ADAMTS12: variants seen among roughly 807,000 people sequenced by gnomAD.
The protein encoded by ADAMTS12 is ADAM metallopeptidase with thrombospondin type 1 motif 12.
Under a neutral mutation model 167.8 loss-of-function variants are expected in ADAMTS12, and 118 were observed. The ratio of observed to expected loss-of-function variants is 0.70; its 90% CI spans 0.61 to 0.82. The LOEUF is 0.82. ADAMTS12 is among the 40% of genes least tolerant of loss of function. The pLI is 0.00. For synonymous variants in ADAMTS12, 704 were observed against 716.9 expected (o/e 0.98, Z 0.29); for missense variants, 1,916 against 1,998.8 (o/e 0.96, Z 0.79).
intron 2 of ADAMTS12, among the ~76,000 whole-genome samples, chr5:33,836,680 A>C (rs1411625184): frequency 6.6e-6 from 1 of 152,118 alleles, no homozygotes; most frequent in African/African-American, 2.4e-5. Flanking sequence ...TGACCCAGAG[A>C]ACCCAGCAGC....
chr5:33,804,356 C>T (rs1429608663), intron 2 of ADAMTS12, among the ~76,000 whole-genome samples: 1 of 152,166 alleles, frequency 6.6e-6, no homozygotes, highest in Non-Finnish European at 1.5e-5. Context: ...TTCTGCACCC[C>T]CATCACTGCC....
At chr5:33,887,340 G>T (rs1461577485) in intron 1 of ADAMTS12, among the ~76,000 whole-genome samples, 2 of 152,074 alleles carry the variant, frequency 1.3e-5, no homozygotes, top group Admixed American at 6.5e-5. Context: ...GAGGGATGAG[G>T]ATTTTTTCCT....
intron 3 of ADAMTS12, among the ~76,000 whole-genome samples, chr5:33,692,464 G>T (rs1452270815): frequency 8.5e-4 from 129 of 152,308 alleles, no homozygotes; most frequent in African/African-American, 3.0e-3. Context: ...TTGAATAGAA[G>T]AGGGCTGTTT....
chr5:33,615,007 T>C (rs578122887), intron 15 of ADAMTS12, among the ~76,000 whole-genome samples: 1 of 152,222 alleles, frequency 6.6e-6, no homozygotes, highest in Non-Finnish European at 1.5e-5. Flanking sequence ...TCATGGACTT[T>C]AACTTAGGTA....
At chr5:33,764,392 C>T (rs552131463) in intron 2 of ADAMTS12, among the ~76,000 whole-genome samples, 1 of 152,334 alleles carries the variant, frequency 6.6e-6, no homozygotes, top group Admixed American at 6.5e-5. Flanking sequence ...TAAGATTTCT[C>T]TTCTCATGTT....
intron 16 of ADAMTS12, among the ~76,000 whole-genome samples, chr5:33,607,357 G>C (rs116451952): frequency 1.3e-5 from 2 of 152,174 alleles, no homozygotes; most frequent in Admixed American, 1.3e-4. Flanking sequence ...ATAGAGTTCA[G>C]CAAGGTTGCC....
rs759156111 is a variant in ADAMTS12, at chr5:33,683,139, A to G, written c.832-38T>C. The stretch of plus-strand genomic sequence containing the variant: ...ATAGAAAACCATTAGCTCCACACGA[A>G]GAGATAATAAATAAATACCAGAGAA... On this transcript the variant is annotated intron_variant, in intron 4 of 23. Transcript: ENST00000504830. 5 of 1,442,492 alleles carry G rather than the reference A, an allele frequency of 3.5e-6. No individual in the cohort carries two copies. The Admixed American group carries it at 5.4e-5, about 16-fold the overall frequency. The allele number at this position is 1,442,492 out of a possible 1,614,324, so 89.4% of individuals were successfully genotyped here.
intron 3 of ADAMTS12, among the ~76,000 whole-genome samples, chr5:33,712,504 G>T (rs1579863895): frequency 6.6e-6 from 1 of 152,098 alleles, no homozygotes; most frequent in African/African-American, 2.4e-5. Context: ...TCTCTTGCAG[G>T]GGTGGATACG....
At chr5:33,883,543 A>T (rs187860264) in intron 1 of ADAMTS12, among the ~76,000 whole-genome samples, 18 of 151,806 alleles carry the variant, frequency 1.2e-4, no homozygotes, top group African/African-American at 4.1e-4. Flanking sequence ...ACATGGGCAA[A>T]TCTTCACAGC....
At chr5:33,541,970 T>C (rs1744723044) in intron 22 of ADAMTS12, among the ~76,000 whole-genome samples, 1 of 152,090 alleles carries the variant, frequency 6.6e-6, no homozygotes, top group Non-Finnish European at 1.5e-5. Context: ...AATGACAGGA[T>C]CAAATTCACA....
chr5:33,844,996 G>A (rs35147918), intron 2 of ADAMTS12, among the ~76,000 whole-genome samples: 33,455 of 152,028 alleles, frequency 0.22, 4,263 homozygotes, highest in Middle Eastern at 0.3. Context: ...GACCACAGTC[G>A]GCCACAGGTA....
At chr5:33,637,433 GT>G (rs1191193384) in intron 12 of ADAMTS12, 143 bp downstream of exon 12, 1 of 771,514 alleles carries the variant, frequency 1.3e-6, no homozygotes, top group Non-Finnish European at 2.0e-6. Context: ...CCAGGTCAGT[GT>G]TTCCATCTTC....
intron 5 of ADAMTS12, among the ~76,000 whole-genome samples, chr5:33,668,439 C>T (rs937581948): frequency 6.6e-6 from 1 of 152,126 alleles, no homozygotes; most frequent in African/African-American, 2.4e-5. Context: ...TCTATTTTAA[C>T]CTACGGATCT....
Position 33,549,273 on chromosome 5 carries a change from A to T in ADAMTS12, c.4236T>A (p.Pro1412=), listed in dbSNP as rs200003789. The T allele has an allele frequency of 4.3e-6, 7 of 1,614,020 alleles. No individual in the cohort carries two copies. The East Asian group carries it at 1.3e-4, about 31-fold the overall frequency. The change falls in exon 21 of 24, where the codon CCT becomes CCA. Residue 1412 remains proline, a synonymous_variant. Coordinates refer to ENST00000504830, the MANE Select transcript of ADAMTS12 (RefSeq NM_030955.4). ...GGTTACAGCTCATGCTCAATGGGGG[A>T]GGAATGCCGGCCAGGAACTGGCAGT... ...PFHCQFLAGI[P]PPLSMSCNPE...
intron 20 of ADAMTS12, among the ~76,000 whole-genome samples, chr5:33,560,174 T>C (rs1385688674): frequency 6.6e-6 from 1 of 152,218 alleles, no homozygotes; most frequent in Non-Finnish European, 1.5e-5. Context: ...GACAGGTGGG[T>C]TACCACATGT....
At chr5:33,554,208 G>C (rs1052263495) in intron 20 of ADAMTS12, among the ~76,000 whole-genome samples, 2 of 152,148 alleles carry the variant, frequency 1.3e-5, no homozygotes, top group East Asian at 3.8e-4. Context: ...AAAATAGTGT[G>C]GGGGGACATT....
rs145024204 is a variant in ADAMTS12, at chr5:33,776,756, T to C, written c.490-25208A>G. Among the ~76,000 whole-genome samples, 914 of 151,622 alleles carry C rather than the reference T, an allele frequency of 6.0e-3. 8 individuals are homozygous for C. The highest frequency in any genetic ancestry group is 0.021 in the African/African-American group (882 of 41,392). On this transcript the variant is annotated intron_variant, in intron 2 of 23. Coordinates refer to ENST00000504830, the MANE Select transcript of ADAMTS12 (RefSeq NM_030955.4). ...AATGAAATAGAAACTAGAAAATTAA[T>C]AGAAGATAAATAAAATTGACAAACC...
chr5:33,643,206 A>C (rs935632826), intron 10 of ADAMTS12, among the ~76,000 whole-genome samples, 172 bp downstream of exon 10: 1 of 152,192 alleles, frequency 6.6e-6, no homozygotes, highest in Non-Finnish European at 1.5e-5. Flanking sequence ...CTCCCAAAGC[A>C]GGTTCACCAG....
intron 23 of ADAMTS12, among the ~76,000 whole-genome samples, chr5:33,527,980 A>G (rs911264670): frequency 2.6e-5 from 4 of 152,160 alleles, no homozygotes; most frequent in Non-Finnish European, 4.4e-5. Flanking sequence ...TTATAGCAGC[A>G]CAATTCACAA....
Sources: gnomAD v4.1 joint callset for allele counts (sites outside exome capture counted in the v4.1 genomes callset) on GRCh38, gnomAD v4.1.1 for gene constraint, MANE v1.5 for transcripts, NCBI Gene and HGNC (gene_info 2026-07-23, HGNC 2026-07-21) for gene names.